Variants in TTLL4 observed in about 807,000 individuals in gnomAD.
TTLL4 encodes the protein tubulin tyrosine ligase like 4, also known as tubulin monoglutamylase TTLL4.
In TTLL4, 85 loss-of-function variants were observed where a neutral mutation model predicts 122.7. That is an observed-to-expected ratio of 0.69 (90% CI 0.58 to 0.83). The LOEUF (loss-of-function observed/expected upper bound fraction) is 0.83, where lower values mean the gene tolerates loss of function less well. TTLL4 is among the 40% of genes least tolerant of loss of function. TTLL4 has a pLI of 0.00. For missense variants in TTLL4, 1,363 were observed against 1,488.6 expected, an observed-to-expected ratio of 0.92 and a Z score of 1.39; for synonymous variants, 553 against 563.0, an observed-to-expected ratio of 0.98 and a Z score of 0.25.
Position 218,754,323 on chromosome 2 carries a change from T to C in TTLL4, c.3534T>C (p.Thr1178=), listed in dbSNP as rs1575187001. The C allele has an allele frequency of 6.2e-7, 1 of 1,614,190 alleles. No homozygotes were observed. Among genetic ancestry groups the C allele is most frequent in the Non-Finnish European group, 8.5e-7 (1 of 1,180,034 alleles). ...CTGTGATCAAGTGCTCTGGGCAGAC[T>C]TCAAGACTTTCTGCTTCCTCCACTT... The part of the protein sequence containing the change: ...TLPVIKCSGQ[T]SRLSASSTFQ... The change falls in exon 20 of 20, where the codon ACT becomes ACC. Residue 1178 remains threonine (T), a synonymous_variant. Transcript: ENST00000392102.
chr2:218,747,487 T>C lies in TTLL4; in HGVS notation c.2250-110T>C, dbSNP rs115570749. On this transcript the variant is annotated intron_variant, in intron 10 of 19. Transcript: ENST00000392102. The surrounding 1 kb of genome is among the most constrained non-coding windows in gnomAD (Gnocchi z 4.7). ...CAGCCAAAGAGCTTCCTTAGCCAAC[T>C]GTTCTAAGGTCTTTATCTTGGGGAC... The C allele has an allele frequency of 6.4e-7, 1 of 1,561,376 alleles. No individual in the cohort carries two copies. The highest frequency in any genetic ancestry group is 8.7e-7 in the Non-Finnish European group (1 of 1,149,990).
intron 2 of TTLL4, among the ~76,000 whole-genome samples, chr2:218,735,917 C>T (rs904333771): frequency 6.6e-6 from 1 of 150,904 alleles, no homozygotes; most frequent in African/African-American, 2.4e-5. Flanking sequence ...GATCCACCTG[C>T]CTTGGCCTCC....
chr2:218,712,467 A>C (rs1046972018), intron 1 of TTLL4, among the ~76,000 whole-genome samples: 1 of 151,636 alleles, frequency 6.6e-6, no homozygotes, highest in African/African-American at 2.4e-5. Context: ...GCTCACTGCA[A>C]CTTCCACCTC....
intron 1 of TTLL4, among the ~76,000 whole-genome samples, chr2:218,717,815 T>G (rs76319780): frequency 6.6e-6 from 1 of 151,854 alleles, no homozygotes; most frequent in Non-Finnish European, 1.5e-5. Flanking sequence ...TTTTTTTTTT[T>G]GGAGACAGAG....
At chr2:218,711,454 C>T (rs1941702121) in intron 1 of TTLL4, among the ~76,000 whole-genome samples, 1 of 152,244 alleles carries the variant, frequency 6.6e-6, no homozygotes, top group Non-Finnish European at 1.5e-5. Flanking sequence ...TCTCCATCCT[C>T]AGTATCTGTA....
chr2:218,730,039 C>T (rs963766411), intron 2 of TTLL4, among the ~76,000 whole-genome samples: 1 of 152,090 alleles, frequency 6.6e-6, no homozygotes, highest in Non-Finnish European at 1.5e-5. Context: ...CCAATGTGCC[C>T]AGCCAGGATT....
chr2:218,715,806 A>ATTT (rs1172336912), intron 1 of TTLL4, among the ~76,000 whole-genome samples: 1 of 151,714 alleles, frequency 6.6e-6, no homozygotes, highest in African/African-American at 2.4e-5. Context: ...ATTTTTTTGT[A>ATTT]TTTTTAGTAG....
Position 218,754,441 on chromosome 2 carries a change from A to T in TTLL4, c.*52A>T, listed in dbSNP as rs1003777119. 2.5e-6 allele frequency: 4 copies of T among 1,605,900 alleles called. No homozygotes were observed. Among genetic ancestry groups the T allele is most frequent in the Non-Finnish European group, 3.4e-6 (4 of 1,176,216 alleles). On this transcript the variant is annotated 3_prime_UTR_variant, in exon 20 of 20. Coordinates refer to ENST00000392102, the MANE Select transcript of TTLL4 (RefSeq NM_014640.5). ...CAGGAGCATGGGCATCAGCTACCTC[A>T]CGGGAACCAGCCTGCTGTTCAGACC...
intron 1 of TTLL4, among the ~76,000 whole-genome samples, chr2:218,720,996 A>G (rs1942019709): frequency 1.3e-5 from 2 of 152,198 alleles, no homozygotes; most frequent in Admixed American, 1.3e-4. Context: ...CCAAAAGGAC[A>G]GGGTTTGGAT....
intron 1 of TTLL4, among the ~76,000 whole-genome samples, chr2:218,719,536 A>G (rs1411050378): frequency 1.3e-5 from 2 of 151,784 alleles, no homozygotes; most frequent in Non-Finnish European, 2.9e-5. Context: ...TTCACATAAC[A>G]GAGTTCAAGG....
intron 1 of TTLL4, among the ~76,000 whole-genome samples, chr2:218,722,186 A>G (rs1333640678): frequency 6.6e-6 from 1 of 152,030 alleles, no homozygotes; most frequent in Non-Finnish European, 1.5e-5. Context: ...GGAGGGTGAG[A>G]TAGGAGGACC....
intron 1 of TTLL4, among the ~76,000 whole-genome samples, chr2:218,719,381 G>A (rs567832163): frequency 6.6e-6 from 1 of 152,282 alleles, no homozygotes; most frequent in African/African-American, 2.4e-5. Flanking sequence ...ACAGGTGCTC[G>A]TGGAGAGGGT....
At chr2:218,720,407 G>T (rs757655344) in intron 1 of TTLL4, among the ~76,000 whole-genome samples, 1 of 152,240 alleles carries the variant, frequency 6.6e-6, no homozygotes, top group East Asian at 1.9e-4. Context: ...AGAGGGGAAC[G>T]CCTTTTTCAT....
At chr2:218,742,842 G>T (rs1477478959) in intron 5 of TTLL4, among the ~76,000 whole-genome samples, 2 of 152,144 alleles carry the variant, frequency 1.3e-5, no homozygotes, top group Non-Finnish European at 2.9e-5. Flanking sequence ...AGAACATCTT[G>T]CCGGGTGCAG....
chr2:218,757,866 T>C (rs1156615576), downstream of TTLL4, among the ~76,000 whole-genome samples: 3 of 152,164 alleles, frequency 2.0e-5, no homozygotes, highest in African/African-American at 7.2e-5. Context: ...GGGCTCCCCT[T>C]GATTTGTCCT....
chr2:218,725,295 C>T (rs779907500), intron 1 of TTLL4, among the ~76,000 whole-genome samples: 17 of 152,138 alleles, frequency 1.1e-4, no homozygotes, highest in Admixed American at 2.6e-4. Context: ...TCACAGCTCA[C>T]CACAGCCTCC....
chr2:218,739,253 G>T (rs965291482), intron 3 of TTLL4, 90 bp downstream of exon 3: 6 of 1,460,048 alleles, frequency 4.1e-6, no homozygotes, highest in Admixed American at 2.4e-5. Context: ...TCTGAAGGTT[G>T]GTTTTATTTT....
intron 7 of TTLL4, 109 bp from the exon 8 acceptor site, chr2:218,746,046 T>C: frequency 1.5e-6 from 2 of 1,334,224 alleles, no homozygotes; most frequent in Non-Finnish European, 2.2e-6. Context: ...CCATAGCAAC[T>C]CTTTGAAAAC....
At position 218,749,259 on chromosome 2, in the gene TTLL4, G is replaced by A. The variant is rs1942949276; in HGVS notation, c.2607G>A (p.Glu869=). 6 of 1,614,114 alleles carry A rather than the reference G, an allele frequency of 3.7e-6. No homozygotes were observed. The highest frequency in any genetic ancestry group is 5.1e-6 in the Non-Finnish European group (6 of 1,180,022). The change falls in exon 14 of 20, where the codon GAG becomes GAA. Residue 869 remains glutamate (E), a synonymous_variant. Coordinates refer to ENST00000392102, the MANE Select transcript of TTLL4 (RefSeq NM_014640.5). Reference sequence around the variant, plus strand: ...TCCTCATCCCCATGACCAGGTCAGAGCCCTATGTGACCAGCCTGCTCAAGA... The same window carrying A: ...TCCTCATCCCCATGACCAGGTCAGAACCCTATGTGACCAGCCTGCTCAAGA... ...DVVVKTIISS[E]PYVTSLLKMY...
Sources: gnomAD v4.1 joint callset for allele counts (sites outside exome capture counted in the v4.1 genomes callset) on GRCh38, gnomAD v4.1.1 for gene constraint, Gnocchi (gnomAD v3.1) non-coding constraint, MANE v1.5 for transcripts, NCBI Gene and HGNC (gene_info 2026-07-23, HGNC 2026-07-21) for gene names.